HOMEZ: variants seen among roughly 807,000 people sequenced by gnomAD.
HOMEZ encodes the protein homeobox and leucine zipper encoding, also known as homeobox and leucine zipper protein Homez.
Under a neutral mutation model 50.1 loss-of-function variants are expected in HOMEZ, and 20 were observed. The ratio of observed to expected loss-of-function variants is 0.40; its 90% CI spans 0.28 to 0.58. HOMEZ has a LOEUF of 0.58. Ranked by LOEUF, HOMEZ falls within the 20% of genes least tolerant of loss-of-function variation. The probability of loss-of-function intolerance (pLI) is 0.46; values close to 1 mark genes in which losing one functional copy is unlikely to be tolerated. For synonymous variants in HOMEZ, 239 were observed against 254.7 expected (o/e 0.94, Z 0.59); for missense variants, 579 against 680.5 (o/e 0.85, Z 1.66).
intron 1 of HOMEZ, among the ~76,000 whole-genome samples, chr14:23,282,003 A>G (rs1242585497): frequency 6.6e-6 from 1 of 151,832 alleles, no homozygotes; most frequent in Non-Finnish European, 1.5e-5. Context: ...AGAGAAGAAA[A>G]AAGCAAAAAA....
rs770276569 is a variant in HOMEZ, at chr14:23,276,155, C to T, written c.1073G>A (p.Arg358Gln). ...EYLSPDMQRQRKTKRKTKEQL... is the reference protein window; with the variant it reads ...EYLSPDMQRQQKTKRKTKEQL... ...CTCTTTGGTTTTGCGCTTGGTCTTT[C>T]GCTGGCGTTGCATATCTGGGGAAAG... The change falls in exon 2 of 2, where the codon CGA becomes CAA. Residue 358 changes from arginine (R) to glutamine (Q), a missense_variant. Transcript: ENST00000357460. This position sits in a 1 kb window ranked among gnomAD's most constrained non-coding sequence, Gnocchi z 4.1. The T allele has an allele frequency of 1.3e-5, 21 of 1,613,704 alleles. No homozygotes were observed. Among genetic ancestry groups the T allele is most frequent in the Admixed American group, 1.7e-5 (1 of 59,970 alleles).
Position 23,273,104 on chromosome 14 carries a change from T to C in HOMEZ, c.*2471A>G. 2.6e-6 allele frequency: 1 copy of C among 389,924 alleles called. No individual in the cohort carries two copies. Among genetic ancestry groups the C allele is most frequent in the Non-Finnish European group, 4.6e-6 (1 of 218,142 alleles). 24.2% of individuals were successfully genotyped at this position (389,924 alleles called of 1,614,324 possible). ...AAAAGGCTAGTGCTTCAGGAAGATG[T>C]TTATATCTCTTCCAGAAGACACTGG... On this transcript the variant is annotated 3_prime_UTR_variant, in exon 2 of 2. Transcript: ENST00000357460.
chr14:23,272,706 G>A lies in HOMEZ; in HGVS notation c.*2869C>T, dbSNP rs1278330757. 6 of 711,380 alleles carry A rather than the reference G, an allele frequency of 8.4e-6. No homozygotes were observed. In the East Asian group the frequency reaches 1.4e-4, roughly 16 times the overall value. 44.1% of individuals were successfully genotyped at this position (711,380 alleles called of 1,614,324 possible). The stretch of plus-strand genomic sequence containing the variant: ...TTATCATGCAATGAAGAAAACTATG[G>A]GGAAGCAAAAGCAGTGGTGTCTGTC... On this transcript the variant is annotated 3_prime_UTR_variant, in exon 2 of 2. Coordinates refer to ENST00000357460, the MANE Select transcript of HOMEZ (RefSeq NM_020834.3).
At chr14:23,282,661 A>G (rs1451918496) in intron 1 of HOMEZ, among the ~76,000 whole-genome samples, 1 of 152,260 alleles carries the variant, frequency 6.6e-6, no homozygotes, top group Non-Finnish European at 1.5e-5. Context: ...AAAGCAGTCC[A>G]GTGTGAGGAT....
chr14:23,272,804 T>C lies in HOMEZ; in HGVS notation c.*2771A>G, dbSNP rs1886207501. On this transcript the variant is annotated 3_prime_UTR_variant, in exon 2 of 2. Transcript: ENST00000357460. ...GCTGTTATAAACACCCACATCTACC[T>C]TCTTGTCCTCTGCTGCAGACTCTCT... The C allele has an allele frequency of 6.5e-7, 1 of 1,536,618 alleles. No individual in the cohort carries two copies. The highest frequency in any genetic ancestry group is 2.0e-5 in the Admixed American group (1 of 50,962).
In HOMEZ at chr14:23,282,380, G is replaced by C. The variant is rs1886574650; in HGVS notation, c.40+3533C>G. Among the ~76,000 whole-genome samples the C allele has an allele frequency of 2.0e-5, 3 of 152,036 alleles. No individual in the cohort carries two copies. The South Asian group carries it at 6.2e-4, about 32-fold the overall frequency. ...ACTGCATCCATAATTTGGATCCTTT[G>C]TGATCGGTGTGTCAGTTGCCTATGT... On this transcript the variant is annotated intron_variant, in intron 1 of 1. Coordinates refer to ENST00000357460, the MANE Select transcript of HOMEZ (RefSeq NM_020834.3).
intron 1 of HOMEZ, among the ~76,000 whole-genome samples, chr14:23,280,787 T>TAATTTTA (rs1174339536): frequency 1.4e-4 from 21 of 145,994 alleles, no homozygotes; most frequent in African/African-American, 5.1e-4. Flanking sequence ...TATTTTATTT[T>TAATTTTA]ATTTGGAGAC....
At position 23,276,883 on chromosome 14, in the gene HOMEZ, TG is replaced by T. The variant is rs779910230; in HGVS notation, c.344del (p.Ser115TyrfsTer5). On this transcript the variant is annotated frameshift_variant, in exon 2 of 2. Transcript: ENST00000357460. LOFTEE classifies it high-confidence loss of function. This position sits in a 1 kb window ranked among gnomAD's most constrained non-coding sequence, Gnocchi z 4.1. Reference protein sequence around the residue: ...AQRLRCGISWSSEEIEETRAR... With the variant: ...AQRLRCGISWXSEEIEETRAR... ...CTCGAGTCTCTTCTATTTCTTCAGA[TG>T]ACCAGCTAATACCACAGCGGAGGCG... is the stretch of plus-strand genomic sequence containing the variant. 6.2e-7 allele frequency: 1 copy of T among 1,614,088 alleles called. No homozygotes were observed. Among genetic ancestry groups the T allele is most frequent in the East Asian group, 2.2e-5 (1 of 44,886 alleles).
In HOMEZ at chr14:23,272,832, C is replaced by A. The variant is rs1886212461; in HGVS notation, c.*2743G>T. ...TTGTCCTCTGCTGCAGACTCTCTAC[C>A]AACAACGGAGGCATATGGGATTACC... is the stretch of plus-strand genomic sequence containing the variant. On this transcript the variant is annotated 3_prime_UTR_variant, in exon 2 of 2. Coordinates refer to ENST00000357460, the MANE Select transcript of HOMEZ (RefSeq NM_020834.3). The A allele has an allele frequency of 1.9e-6, 3 of 1,548,436 alleles. No homozygotes were observed. Among genetic ancestry groups the A allele is most frequent in the Admixed American group, 3.9e-5 (2 of 50,966 alleles).
Position 23,285,933 on chromosome 14 carries a change from G to A in HOMEZ, c.20C>T (p.Pro7Leu). MVRGWE[P>L]PPGLDCAISE... ...CTCACCGCAGTCCAGCCCGGGCGGCGGCTCCCAGCCTCGCACCATGGGCCG... is the reference window on the plus strand; with the variant it reads ...CTCACCGCAGTCCAGCCCGGGCGGCAGCTCCCAGCCTCGCACCATGGGCCG... Residue 7 changes from proline (P) to leucine (L), a missense_variant, in exon 1 of 2, where the codon CCG becomes CTG. By Grantham distance (98) the Pro-to-Leu change is moderately conservative. Transcript: ENST00000357460. 8.0e-7 allele frequency: 1 copy of A among 1,246,904 alleles called. No individual in the cohort carries two copies. Among genetic ancestry groups the A allele is most frequent in the Non-Finnish European group, 1.0e-6 (1 of 987,710 alleles). 77.2% of individuals were successfully genotyped at this position (1,246,904 alleles called of 1,614,324 possible). A position where few individuals can be genotyped will look rare whatever the true frequency, so the allele number is the denominator to read the frequency against.
chr14:23,276,523 C>T lies in HOMEZ; in HGVS notation c.705G>A (p.Arg235=). 6.2e-7 allele frequency: 1 copy of T among 1,614,000 alleles called. No homozygotes were observed. The highest frequency in any genetic ancestry group is 1.3e-5 in the African/African-American group (1 of 75,056). The stretch of plus-strand genomic sequence containing the variant: ...CTATGCCATGTGACTGGTTGGGACC[C>T]CTGCCTGCCTGCTCCTTTGAGAGGC... ...SSGLSKEQAG[R]GPNQSHGIGT... Residue 235 remains arginine, a synonymous_variant, in exon 2 of 2, where the codon AGG becomes AGA. Coordinates refer to ENST00000357460, the MANE Select transcript of HOMEZ (RefSeq NM_020834.3). This position sits in a 1 kb window ranked among gnomAD's most constrained non-coding sequence, Gnocchi z 4.1.
rs1000168744 is a variant in HOMEZ, at chr14:23,273,942, A to G, written c.*1633T>C. On this transcript the variant is annotated 3_prime_UTR_variant, in exon 2 of 2. Transcript: ENST00000357460. ...TTTTGTTCTTTTAATTTACCTCAAT[A>G]AGTCCTGCCCCTCCAAACAATAAGT... 1 of 152,660 alleles carries G rather than the reference A, an allele frequency of 6.6e-6. No homozygotes were observed. Among genetic ancestry groups the G allele is most frequent in the African/African-American group, 2.4e-5 (1 of 41,462 alleles). The allele number at this position is 152,660 out of a possible 1,614,324, so 9.5% of individuals were successfully genotyped here. A position where few individuals can be genotyped will look rare whatever the true frequency, so the allele number is the denominator to read the frequency against.
intron 1 of HOMEZ, 46 bp downstream of exon 1, chr14:23,285,867 G>C: frequency 8.9e-7 from 1 of 1,122,530 alleles, no homozygotes; most frequent in Non-Finnish European, 1.1e-6. Context: ...GTGGGAGACC[G>C]TACACGAGCT....
At position 23,273,084 on chromosome 14, in the gene HOMEZ, G is replaced by C. The variant is rs948713983; in HGVS notation, c.*2491C>G. 10 of 416,190 alleles carry C rather than the reference G, an allele frequency of 2.4e-5. No individual in the cohort carries two copies. Among genetic ancestry groups the C allele is most frequent in the African/African-American group, 4.1e-5 (2 of 48,288 alleles). 25.8% of individuals were successfully genotyped at this position (416,190 alleles called of 1,614,324 possible). A position where few individuals can be genotyped will look rare whatever the true frequency, so the allele number is the denominator to read the frequency against. On this transcript the variant is annotated 3_prime_UTR_variant, in exon 2 of 2. Coordinates refer to ENST00000357460, the MANE Select transcript of HOMEZ (RefSeq NM_020834.3). Reference sequence around the variant, plus strand: ...GGACAGTGGTCAGGTCTTACAAAAGGCTAGTGCTTCAGGAAGATGTTTATA... The same window carrying C: ...GGACAGTGGTCAGGTCTTACAAAAGCCTAGTGCTTCAGGAAGATGTTTATA...
At chr14:23,284,193 A>G (rs1886613858) in intron 1 of HOMEZ, among the ~76,000 whole-genome samples, 2 of 152,226 alleles carry the variant, frequency 1.3e-5, no homozygotes, top group Non-Finnish European at 2.9e-5. Context: ...AAGCCAGGTT[A>G]AGGCTTACTG....
In HOMEZ at chr14:23,275,067, GA is replaced by G. The variant is rs1398687651; in HGVS notation, c.*507del. On this transcript the variant is annotated 3_prime_UTR_variant, in exon 2 of 2. Transcript: ENST00000357460. ...TGTCTAGGAAATGATCAGTTACTAA[GA>G]AAAAAGTAAGAGAGTCAGTTGCATT... 1 of 153,282 alleles carries G rather than the reference GA, an allele frequency of 6.5e-6. No individual in the cohort carries two copies. The highest frequency in any genetic ancestry group is 2.4e-5 in the African/African-American group (1 of 41,458). 9.5% of individuals were successfully genotyped at this position (153,282 alleles called of 1,614,324 possible). A position where few individuals can be genotyped will look rare whatever the true frequency, so the allele number is the denominator to read the frequency against.
In HOMEZ at chr14:23,280,714, T is replaced by TC. The variant is rs1491050635; in HGVS notation, c.41-3528_41-3527insG. Among the ~76,000 whole-genome samples, 11 of 60,304 alleles carry TC rather than the reference T, an allele frequency of 1.8e-4. 1 individual carries two copies. The highest frequency in any genetic ancestry group is 3.1e-4 in the Non-Finnish European group (10 of 31,958). 39.6% of individuals were successfully genotyped at this position (60,304 alleles called of 152,430 possible). A position where few individuals can be genotyped will look rare whatever the true frequency, so the allele number is the denominator to read the frequency against. ...ATTTTTATTTTTATATTTTTATTTT[T>TC]ATTTTATTTTATTTTATTTTATTTT... On this transcript the variant is annotated intron_variant, in intron 1 of 1. Coordinates refer to ENST00000357460, the MANE Select transcript of HOMEZ (RefSeq NM_020834.3).
chr14:23,283,966 C>T (rs1004524524), intron 1 of HOMEZ, among the ~76,000 whole-genome samples: 4 of 152,116 alleles, frequency 2.6e-5, no homozygotes, highest in Non-Finnish European at 5.9e-5. Context: ...TATTTAGAGA[C>T]AATCTGAAGC....
rs754608772 is a variant in HOMEZ, at chr14:23,273,166, C to A, written c.*2409G>T. ...ATTTCCTACAATTTGGAACAAAGGTCAAAAAAATAATTCTTGGCATCATGC... is the reference window on the plus strand; with the variant it reads ...ATTTCCTACAATTTGGAACAAAGGTAAAAAAAATAATTCTTGGCATCATGC... On this transcript the variant is annotated 3_prime_UTR_variant, in exon 2 of 2. Coordinates refer to ENST00000357460, the MANE Select transcript of HOMEZ (RefSeq NM_020834.3). 3.7e-6 allele frequency: 1 copy of A among 271,900 alleles called. No homozygotes were observed. Among genetic ancestry groups the A allele is most frequent in the Non-Finnish European group, 6.9e-6 (1 of 143,926 alleles). 16.8% of individuals were successfully genotyped at this position (271,900 alleles called of 1,614,324 possible). A position where few individuals can be genotyped will look rare whatever the true frequency, so the allele number is the denominator to read the frequency against.
Sources: allele counts gnomAD v4.1 joint callset (sites outside exome capture counted in the v4.1 genomes callset), GRCh38; gene constraint gnomAD v4.1.1; non-coding constraint Gnocchi (gnomAD v3.1); transcripts MANE v1.5; gene names NCBI Gene and HGNC (gene_info 2026-07-23, HGNC 2026-07-21).